Variants in KTN1 observed in about 807,000 individuals in gnomAD.
KTN1 encodes the protein kinectin.
KTN1 carries 130 observed loss-of-function variants against 222.5 expected under a neutral mutation model. The ratio of observed to expected loss-of-function variants is 0.58; its 90% CI spans 0.51 to 0.68. The LOEUF (loss-of-function observed/expected upper bound fraction) is 0.68, where lower values mean the gene tolerates loss of function less well. Among genes scored for constraint, KTN1 ranks in the 30% least tolerant of loss-of-function variants. The probability of loss-of-function intolerance (pLI) is 0.00; values close to 1 mark genes in which losing one functional copy is unlikely to be tolerated. For missense variants in KTN1, 1,508 were observed against 1,500.4 expected, an observed-to-expected ratio of 1.01 and a Z score of -0.08; for synonymous variants, 512 against 496.3, an observed-to-expected ratio of 1.03 and a Z score of -0.42.
chr14:55,634,683 T>C, intron 9 of KTN1, 25 bp downstream of exon 9: 1 of 1,596,030 alleles, frequency 6.3e-7, no homozygotes, highest in Non-Finnish European at 8.5e-7. Context: ...CCTTTATTTG[T>C]CATTTCATGA....
chr14:55,612,569 G>T lies in KTN1; in HGVS notation c.521G>T (p.Ser174Ile), dbSNP rs2037743610. The change falls in exon 2 of 44, where the codon AGC becomes ATC. Residue 174 changes from serine to isoleucine, a missense_variant and splice_region_variant. Physicochemically the swap from Ser to Ile is moderately radical, Grantham distance 142. Transcript: ENST00000395314. ...KPGQKKSKNG[S>I]DDQDKKVETL... The stretch of plus-strand genomic sequence containing the variant: ...GGGCAGAAGAAGTCTAAAAATGGAA[G>T]CGGTATTGTAATCTATTTAATCTAT... 6.3e-7 allele frequency: 1 copy of T among 1,575,806 alleles called. No individual in the cohort carries two copies.
intron 30 of KTN1, among the ~76,000 whole-genome samples, chr14:55,659,149 ATGAAT>A (rs914360565): frequency 3.9e-5 from 6 of 152,178 alleles, no homozygotes; most frequent in African/African-American, 1.4e-4. Flanking sequence ...TGAGAAACAA[ATGAAT>A]TGGAGTCCTT....
In KTN1 at chr14:55,612,032, A is replaced by T; in HGVS notation, c.-17A>T. Reference sequence around the variant, plus strand: ...TTCCCTATTTAGGTTTTATAGGATCACATTGACAAAAGTACCATGGAGTTT... The same window carrying T: ...TTCCCTATTTAGGTTTTATAGGATCTCATTGACAAAAGTACCATGGAGTTT... On this transcript the variant is annotated 5_prime_UTR_variant, in exon 2 of 44. Coordinates refer to ENST00000395314, the MANE Select transcript of KTN1 (RefSeq NM_001079521.2). 7.2e-7 allele frequency: 1 copy of T among 1,379,314 alleles called. No individual in the cohort carries two copies. Among genetic ancestry groups the T allele is most frequent in the Non-Finnish European group, 9.5e-7 (1 of 1,051,872 alleles). The allele number at this position is 1,379,314 out of a possible 1,614,324, so 85.4% of individuals were successfully genotyped here.
chr14:55,652,183 C>G (rs537705196), intron 25 of KTN1, among the ~76,000 whole-genome samples: 192 of 152,128 alleles, frequency 1.3e-3, no homozygotes, highest in African/African-American at 4.5e-3. Flanking sequence ...TGCTCTTTGC[C>G]TATTTTAATA....
chr14:55,639,040 T>C, intron 12 of KTN1, 145 bp from the exon 13 acceptor site: 2 of 539,574 alleles, frequency 3.7e-6, no homozygotes, highest in South Asian at 3.1e-5. Flanking sequence ...AGTTACTCTT[T>C]ATTGAACACT....
intron 20 of KTN1, among the ~76,000 whole-genome samples, chr14:55,648,335 A>G (rs1430067558): frequency 6.6e-6 from 1 of 152,232 alleles, no homozygotes; most frequent in Non-Finnish European, 1.5e-5. Flanking sequence ...ATAGTTTGTC[A>G]GTTTCCCCAC....
intron 33 of KTN1, among the ~76,000 whole-genome samples, chr14:55,665,471 T>A (rs2044623533): frequency 6.6e-6 from 1 of 152,082 alleles, no homozygotes; most frequent in African/African-American, 2.4e-5. Flanking sequence ...AAGTCTTCTA[T>A]ATTTCAATGG....
intron 30 of KTN1, 32 bp downstream of exon 30, chr14:55,658,646 T>TA: frequency 7.2e-7 from 1 of 1,390,456 alleles, no homozygotes; most frequent in Non-Finnish European, 1.0e-6. Flanking sequence ...GCCTTTCACT[T>TA]ACGTGGCAAA....
Position 55,650,371 on chromosome 14 carries a change from C to T in KTN1, c.2449C>T (p.Leu817=). ...AAAGATCAAGTCTGTAGAAGAGCTT[C>T]TGGAGGCAGAACTTCTCAAAGTTGC... The part of the protein sequence containing the change: ...DGKIKSVEEL[L]EAELLKVANK... The change falls in exon 23 of 44, where the codon CTG becomes TTG. Residue 817 remains leucine, a synonymous_variant. Coordinates refer to ENST00000395314, the MANE Select transcript of KTN1 (RefSeq NM_001079521.2). The T allele has an allele frequency of 6.2e-7, 1 of 1,611,430 alleles. No homozygotes were observed. Among genetic ancestry groups the T allele is most frequent in the Non-Finnish European group, 8.5e-7 (1 of 1,178,978 alleles).
chr14:55,637,714 G>A, intron 11 of KTN1, 65 bp from the exon 12 acceptor site: 3 of 1,093,004 alleles, frequency 2.7e-6, no homozygotes, highest in East Asian at 2.4e-5. Context: ...ATAATACATT[G>A]TGTTCATATA....
At chr14:55,588,488 G>C (rs1202204868) in intron 1 of KTN1, among the ~76,000 whole-genome samples, 1 of 152,160 alleles carries the variant, frequency 6.6e-6, no homozygotes, top group Non-Finnish European at 1.5e-5. Context: ...TGCTAAAAAT[G>C]ATGAAAAATA....
intron 18 of KTN1, 97 bp downstream of exon 18, chr14:55,641,857 G>T (rs1343147077): frequency 6.1e-6 from 5 of 817,126 alleles, no homozygotes; most frequent in Non-Finnish European, 6.2e-6. Context: ...GAGAAATTTT[G>T]CTTAAGCTTA....
At chr14:55,639,307 T>C in intron 13 of KTN1, 85 bp downstream of exon 13, 3 of 929,048 alleles carry the variant, frequency 3.2e-6, no homozygotes, top group Non-Finnish European at 5.1e-6. Context: ...ATTAACTTTA[T>C]ACCTCTGACG....
At chr14:55,644,312 A>G in intron 18 of KTN1, 2 of 693,496 alleles carry the variant, frequency 2.9e-6, no homozygotes, top group South Asian at 3.0e-5. Flanking sequence ...TAGTTATGTA[A>G]AAATTTCAGT....
At chr14:55,640,068 A>T in intron 14 of KTN1, 65 bp downstream of exon 14, 1 of 930,940 alleles carries the variant, frequency 1.1e-6, no homozygotes, top group Non-Finnish European at 1.7e-6. Flanking sequence ...ACTTTGATGC[A>T]CATAATCAGT....
intron 34 of KTN1, among the ~76,000 whole-genome samples, chr14:55,669,248 T>C (rs2045212733): frequency 6.6e-6 from 1 of 152,080 alleles, no homozygotes; most frequent in Admixed American, 6.6e-5. Flanking sequence ...ACAGCAATAC[T>C]ACCCACTCTC....
intron 40 of KTN1, 156 bp downstream of exon 40, chr14:55,673,411 A>T: frequency 2.2e-6 from 1 of 459,254 alleles, no homozygotes; most frequent in East Asian, 3.3e-5. Flanking sequence ...GATTCCTAAG[A>T]TTATCTTTCT....
At chr14:55,650,778 C>A in intron 24 of KTN1, 141 bp downstream of exon 24, 1 of 546,552 alleles carries the variant, frequency 1.8e-6, no homozygotes, top group Non-Finnish European at 3.2e-6. Context: ...TATTTTTTGC[C>A]TGATTTGAGA....
intron 1 of KTN1, among the ~76,000 whole-genome samples, chr14:55,591,581 C>CTTTTTTTTTTTTTTTTTTTT (rs71131297): frequency 2.3e-5 from 2 of 87,712 alleles, no homozygotes; most frequent in African/African-American, 8.9e-5. Flanking sequence ...TTCTCTCTTT[C>CTTTTTTTTTTTTTTTTTTTT]TTTTTTTTTT....
Sources: allele counts gnomAD v4.1 joint callset (sites outside exome capture counted in the v4.1 genomes callset), GRCh38; gene constraint gnomAD v4.1.1; transcripts MANE v1.5; gene names NCBI Gene and HGNC (gene_info 2026-07-23, HGNC 2026-07-21).